SLC35F4: variants seen among roughly 807,000 people sequenced by gnomAD.
SLC35F4 encodes the protein chromosome 14 open reading frame 36.
SLC35F4 carries 24 observed loss-of-function variants against 44.2 expected under a neutral mutation model. The ratio of observed to expected loss-of-function variants is 0.54; its 90% CI spans 0.39 to 0.76. SLC35F4 has a LOEUF of 0.76. Ranked by LOEUF, SLC35F4 falls within the 30% of genes least tolerant of loss-of-function variation. The pLI, the probability that SLC35F4 is intolerant of heterozygous loss-of-function variation, is 0.00. For synonymous variants in SLC35F4, 238 were observed against 223.6 expected (o/e 1.06, Z -0.57); for missense variants, 562 against 586.1 (o/e 0.96, Z 0.42).
chr14:57,620,068 G>C (rs2072089298), intron 1 of SLC35F4, among the ~76,000 whole-genome samples: 1 of 152,096 alleles, frequency 6.6e-6, no homozygotes, highest in Non-Finnish European at 1.5e-5. Flanking sequence ...GTGTTTGATT[G>C]GTGTACCTGA....
At chr14:57,693,995 A>G (rs1220633925) in intron 1 of SLC35F4, among the ~76,000 whole-genome samples, 2 of 152,202 alleles carry the variant, frequency 1.3e-5, no homozygotes, top group Non-Finnish European at 2.9e-5. Flanking sequence ...CAACTCCTTC[A>G]TTTACTAAAA....
At chr14:57,826,989 C>T (rs1883845542) in intron 1 of SLC35F4, among the ~76,000 whole-genome samples, 1 of 152,040 alleles carries the variant, frequency 6.6e-6, no homozygotes, top group African/African-American at 2.4e-5. Context: ...ACCATTTGAC[C>T]CAGCAATCCC....
chr14:57,654,022 G>A (rs2073876443), intron 1 of SLC35F4, among the ~76,000 whole-genome samples: 1 of 152,072 alleles, frequency 6.6e-6, no homozygotes, highest in South Asian at 2.1e-4. Flanking sequence ...TCTTCACATG[G>A]TGCTCTACTT....
rs369797831 is a variant in SLC35F4, at chr14:57,598,028, A to C, written c.104-3904T>G. 2.8e-3 allele frequency among the ~76,000 whole-genome samples: 431 copies of C among 152,318 alleles called. 3 individuals are homozygous for C. The highest frequency in any genetic ancestry group is 9.7e-3 in the African/African-American group (404 of 41,572). ...AGGAATCCAAACTAAATTGGTTTAAAGCTAAAAGGGGAGTTTTTAGGAGCT... is the reference window on the plus strand; with the variant it reads ...AGGAATCCAAACTAAATTGGTTTAACGCTAAAAGGGGAGTTTTTAGGAGCT... On this transcript the variant is annotated intron_variant, in intron 1 of 7. Transcript: ENST00000556826.
chr14:57,946,464 CTTTTCT>C (rs1315084123), intron 1 of SLC35F4, among the ~76,000 whole-genome samples: 125 of 124,854 alleles, frequency 1.0e-3, no homozygotes, highest in African/African-American at 3.8e-3. Context: ...GTTTTGTTTT[CTTTTCT>C]TTTTTTTTTT....
chr14:57,828,113 G>T (rs1211906761), intron 1 of SLC35F4, among the ~76,000 whole-genome samples: 1 of 152,126 alleles, frequency 6.6e-6, no homozygotes, highest in Non-Finnish European at 1.5e-5. Flanking sequence ...TTTGCAATAA[G>T]CTCCAGTTGA....
intron 1 of SLC35F4, among the ~76,000 whole-genome samples, chr14:57,710,212 C>G (rs1195442227): frequency 6.6e-6 from 1 of 152,250 alleles, no homozygotes. Flanking sequence ...AGGTACTGCT[C>G]AGGCCATTGC....
chr14:57,834,700 A>G (rs545316316), intron 1 of SLC35F4, among the ~76,000 whole-genome samples: 1 of 152,324 alleles, frequency 6.6e-6, no homozygotes, highest in South Asian at 2.1e-4. Context: ...CCTATCCAGC[A>G]TGTCAGTATA....
At chr14:57,950,809 C>T (rs759191647) in intron 1 of SLC35F4, among the ~76,000 whole-genome samples, 2 of 151,922 alleles carry the variant, frequency 1.3e-5, no homozygotes, top group African/African-American at 4.8e-5. Context: ...GCTGGGACTA[C>T]AGGTGCCTGC....
intron 1 of SLC35F4, among the ~76,000 whole-genome samples, chr14:57,637,827 C>A (rs1162198651): frequency 3.3e-5 from 5 of 152,020 alleles, no homozygotes; most frequent in Non-Finnish European, 5.9e-5. Flanking sequence ...CCCCTCTTGG[C>A]AAAAGGGACC....
In SLC35F4 at chr14:57,898,745, T is replaced by C. The variant is rs367916628; in HGVS notation, n.282+83168A>G. 1.4e-4 allele frequency among the ~76,000 whole-genome samples: 22 copies of C among 152,360 alleles called. No individual in the cohort carries two copies. The East Asian group carries it at 2.5e-3, about 17-fold the overall frequency. ...TTGCTTTTTAACAACTTATTCAATATGGAAATAAATATCCAGTTTTTTAAT... is the reference window on the plus strand; with the variant it reads ...TTGCTTTTTAACAACTTATTCAATACGGAAATAAATATCCAGTTTTTTAAT... On this transcript the variant is annotated intron_variant and non_coding_transcript_variant, in intron 1 of 1. Transcript: ENST00000556568.
At chr14:57,647,156 A>G (rs2073565027) in intron 1 of SLC35F4, among the ~76,000 whole-genome samples, 1 of 151,384 alleles carries the variant, frequency 6.6e-6, no homozygotes. Context: ...TGCAGAGCTG[A>G]GTTCAATTCC....
chr14:57,565,107 A>G (rs1202672590), intron 7 of SLC35F4, among the ~76,000 whole-genome samples: 10 of 152,228 alleles, frequency 6.6e-5, no homozygotes, highest in African/African-American at 2.4e-4. Flanking sequence ...ATTTCACTGC[A>G]TCATAATTTG....
chr14:57,952,048 T>G (rs1890151093), intron 1 of SLC35F4, among the ~76,000 whole-genome samples: 1 of 152,176 alleles, frequency 6.6e-6, no homozygotes, highest in African/African-American at 2.4e-5. Flanking sequence ...ATGACTGTTA[T>G]CTGATGGGTG....
At chr14:57,605,370 A>G (rs760201314) in intron 1 of SLC35F4, among the ~76,000 whole-genome samples, 4 of 152,152 alleles carry the variant, frequency 2.6e-5, no homozygotes, top group Non-Finnish European at 4.4e-5. Context: ...CATCTTCACT[A>G]ATCATCAACA....
chr14:57,927,861 A>C (rs1361671473), intron 1 of SLC35F4, among the ~76,000 whole-genome samples: 1 of 152,076 alleles, frequency 6.6e-6, no homozygotes, highest in African/African-American at 2.4e-5. Flanking sequence ...GATGAAGTCC[A>C]ATTTATCAAT....
intron 1 of SLC35F4, 67 bp downstream of exon 1, chr14:57,865,656 C>T (rs1888100472): frequency 2.2e-6 from 3 of 1,358,646 alleles, no homozygotes; most frequent in South Asian, 1.4e-5. Flanking sequence ...CGTCCGCATC[C>T]CCGCGGCACC....
intron 1 of SLC35F4, among the ~76,000 whole-genome samples, chr14:57,748,621 G>A (rs2076813989): frequency 6.6e-6 from 1 of 152,114 alleles, no homozygotes; most frequent in Admixed American, 6.6e-5. Context: ...TAAGTTTTGA[G>A]AACCTTTGTC....
intron 1 of SLC35F4, among the ~76,000 whole-genome samples, chr14:57,750,177 A>G (rs1255826534): frequency 6.6e-6 from 1 of 152,020 alleles, no homozygotes; most frequent in Non-Finnish European, 1.5e-5. Flanking sequence ...ACTTAAGATA[A>G]TGATGTCCAT....
Sources: allele counts gnomAD v4.1 joint callset (sites outside exome capture counted in the v4.1 genomes callset), GRCh38; gene constraint gnomAD v4.1.1; transcripts MANE v1.5; gene names NCBI Gene and HGNC (gene_info 2026-07-23, HGNC 2026-07-21).